The following MTURN variants were observed in gnomAD, a reference collection of about 807,000 sequenced individuals.
MTURN encodes the protein maturin, neural progenitor differentiation regulator homolog, also known as maturin.
Under a neutral mutation model 14.9 loss-of-function variants are expected in MTURN, and 7 were observed. That is an observed-to-expected ratio of 0.47 (90% CI 0.27 to 0.88). The LOEUF is 0.88. MTURN is among the 40% of genes least tolerant of loss of function. MTURN has a pLI of 0.14. For missense variants in MTURN, 151 were observed against 174.1 expected, an observed-to-expected ratio of 0.87 and a Z score of 0.75; for synonymous variants, 69 against 72.5, an observed-to-expected ratio of 0.95 and a Z score of 0.25.
At chr7:30,152,137 C>A (rs1797221223) in intron 2 of MTURN, among the ~76,000 whole-genome samples, 1 of 144,742 alleles carries the variant, frequency 6.9e-6, no homozygotes, top group African/African-American at 2.7e-5. Flanking sequence ...GACAGTTTAT[C>A]TTTTTTTTCT....
intron 1 of MTURN, chr7:30,137,692 C>T (rs1583501297): frequency 8.5e-6 from 4 of 471,052 alleles, no homozygotes; most frequent in East Asian, 1.4e-4. Context: ...TGTCCCAGGC[C>T]AGGTTTGTCA....
intron 1 of MTURN, among the ~76,000 whole-genome samples, chr7:30,139,413 A>G (rs1645966127): frequency 6.6e-6 from 1 of 152,222 alleles, no homozygotes; most frequent in African/African-American, 2.4e-5. Context: ...AATAAGTGGT[A>G]GAGCAACTTC....
chr7:30,146,386 AACCTGGG>A (rs1483009200), intron 2 of MTURN, 87 bp downstream of exon 2: 7 of 1,562,450 alleles, frequency 4.5e-6, no homozygotes, highest in Non-Finnish European at 6.1e-6. Context: ...AGGTGGGCAA[AACCTGGG>A]ATGACTAATT....
At chr7:30,152,235 A>G (rs985384083) in intron 2 of MTURN, among the ~76,000 whole-genome samples, 1 of 151,344 alleles carries the variant, frequency 6.6e-6, no homozygotes, top group Non-Finnish European at 1.5e-5. Context: ...AAGGTAAGAG[A>G]GTGCCTCCTC....
At chr7:30,137,051 A>G (rs1265451518) in intron 1 of MTURN, among the ~76,000 whole-genome samples, 1 of 151,242 alleles carries the variant, frequency 6.6e-6, no homozygotes, top group Admixed American at 6.6e-5. Context: ...TAAAGTAAGT[A>G]AATAAGTGTT....
chr7:30,157,223 C>T (rs541115377), intron 2 of MTURN, among the ~76,000 whole-genome samples: 2 of 152,266 alleles, frequency 1.3e-5, no homozygotes, highest in East Asian at 1.9e-4. Context: ...TCTCCAGGCT[C>T]CCCAGTAAAA....
intron 1 of MTURN, among the ~76,000 whole-genome samples, chr7:30,136,993 C>T (rs748406529): frequency 1.7e-4 from 26 of 152,222 alleles, no homozygotes; most frequent in Admixed American, 3.3e-4. Context: ...TCCAGAAGAG[C>T]CAACTGAACA....
intron 1 of MTURN, chr7:30,145,845 G>A: frequency 6.5e-7 from 1 of 1,540,412 alleles, no homozygotes; most frequent in Non-Finnish European, 8.7e-7. Context: ...CCCCATGTCT[G>A]AAAACCGCCC....
intron 2 of MTURN, 36 bp from the exon 3 acceptor site, chr7:30,157,402 G>T (rs776446235): frequency 1.3e-6 from 2 of 1,520,072 alleles, no homozygotes; most frequent in Non-Finnish European, 1.8e-6. Flanking sequence ...GCCATTTGGC[G>T]CTCACAGCTG....
At chr7:30,140,415 G>GTGTGTGTGTATATATATATATATAAATA (rs33952294) in intron 1 of MTURN, among the ~76,000 whole-genome samples, 1 of 143,732 alleles carries the variant, frequency 7.0e-6, no homozygotes, top group Admixed American at 6.9e-5. Context: ...GTGTGTGTGT[G>GTGTGTGTGTATATATATATATATAAATA]TATCCCCATT....
chr7:30,135,757 G>T (rs1796942688), intron 1 of MTURN, among the ~76,000 whole-genome samples: 1 of 152,224 alleles, frequency 6.6e-6, no homozygotes, highest in African/African-American at 2.4e-5. Flanking sequence ...TCCCGTCCGG[G>T]ATAGGAATCC....
intron 1 of MTURN, among the ~76,000 whole-genome samples, chr7:30,140,406 T>TGC (rs1797032739): frequency 7.3e-6 from 1 of 136,866 alleles, no homozygotes; most frequent in Non-Finnish European, 1.6e-5. Context: ...TGTGTGTGTG[T>TGC]GTGTGTGTGT....
At chr7:30,150,288 G>T (rs1562570136) in intron 2 of MTURN, among the ~76,000 whole-genome samples, 1 of 152,150 alleles carries the variant, frequency 6.6e-6, no homozygotes, top group East Asian at 1.9e-4. Context: ...GTTACCGTTG[G>T]GGGGAACCTT....
At chr7:30,135,610 C>A (rs1218535439) in intron 1 of MTURN, among the ~76,000 whole-genome samples, 1 of 152,136 alleles carries the variant, frequency 6.6e-6, no homozygotes, top group Admixed American at 6.5e-5. Flanking sequence ...TTCGGGAACC[C>A]GACCTCGCGG....
At chr7:30,137,496 C>T in intron 1 of MTURN, 3 of 418,200 alleles carry the variant, frequency 7.2e-6, no homozygotes, top group East Asian at 7.2e-5. Context: ...AATATTTTCC[C>T]ATCTGCATGA....
rs187984290 is a variant in MTURN at position 30,140,357 on chromosome 7, C to A, written c.162+5059C>A. Among the ~76,000 whole-genome samples the A allele has an allele frequency of 2.0e-3, 289 of 146,324 alleles. 1 individual carries two copies. Among genetic ancestry groups the A allele is most frequent in the African/African-American group, 6.9e-3 (273 of 39,668 alleles). ...TTAAAGAAAAAGGCTTTATTTATGG[C>A]AGGACTGTGATTTAATTTTACATGT... On this transcript the variant is annotated intron_variant, in intron 1 of 2. Transcript: ENST00000324453.
chr7:30,144,183 C>T (rs1797095118), intron 1 of MTURN, among the ~76,000 whole-genome samples: 1 of 152,258 alleles, frequency 6.6e-6, no homozygotes. Flanking sequence ...CAGCTAGGCA[C>T]TGTGCCAGGT....
intron 2 of MTURN, among the ~76,000 whole-genome samples, chr7:30,153,917 C>A (rs983986872): frequency 4.6e-5 from 7 of 152,102 alleles, no homozygotes; most frequent in African/African-American, 1.7e-4. Context: ...GGTGTTTCAC[C>A]ATGTTGGCTA....
In MTURN at chr7:30,158,663, TAATC is replaced by T. The variant is rs1797324639; in HGVS notation, c.*1118_*1121del. 1.3e-5 allele frequency: 2 copies of T among 152,228 alleles called. No homozygotes were observed. The highest frequency in any genetic ancestry group is 2.9e-5 in the Non-Finnish European group (2 of 68,046). The allele number at this position is 152,228 out of a possible 1,614,324, so 9.4% of individuals were successfully genotyped here. A position where few individuals can be genotyped will look rare whatever the true frequency, so the allele number is the denominator to read the frequency against. On this transcript the variant is annotated 3_prime_UTR_variant, in exon 3 of 3. Coordinates refer to ENST00000324453, the MANE Select transcript of MTURN (RefSeq NM_152793.3). ...GCTTGGTTAACAGGGAACGTTTTAATAATCAAGATACTCAGACAACTCACAGAAA... is the reference window on the plus strand; with the variant it reads ...GCTTGGTTAACAGGGAACGTTTTAATAAGATACTCAGACAACTCACAGAAA...
Sources: gnomAD v4.1 joint callset for allele counts (sites outside exome capture counted in the v4.1 genomes callset) on GRCh38, gnomAD v4.1.1 for gene constraint, MANE v1.5 for transcripts, NCBI Gene and HGNC (gene_info 2026-07-23, HGNC 2026-07-21) for gene names.